REEP3: variants seen among roughly 807,000 people sequenced by gnomAD.
REEP3 encodes the protein receptor expression-enhancing protein 3.
In REEP3, 20 loss-of-function variants were observed where a neutral mutation model predicts 41.3. The observed-to-expected ratio is 0.48, with a 90% CI of 0.34 to 0.70. REEP3 has a LOEUF of 0.70. Ranked by LOEUF, REEP3 falls within the 30% of genes least tolerant of loss-of-function variation. The pLI, the probability that REEP3 is intolerant of heterozygous loss-of-function variation, is 0.01. For synonymous variants in REEP3, 104 were observed against 101.8 expected, an observed-to-expected ratio of 1.02 and a Z score of -0.13; for missense variants, 271 against 308.8, an observed-to-expected ratio of 0.88 and a Z score of 0.92.
At chr10:63,526,924 G>C (rs1955370239) in intron 1 of REEP3, among the ~76,000 whole-genome samples, 1 of 151,978 alleles carries the variant, frequency 6.6e-6, no homozygotes, top group South Asian at 2.1e-4. Context: ...GTGATTTCTT[G>C]ATCATTTCTA....
intron 4 of REEP3, among the ~76,000 whole-genome samples, 198 bp downstream of exon 4, chr10:63,598,342 G>A (rs758792784): frequency 6.6e-6 from 1 of 151,674 alleles, no homozygotes; most frequent in African/African-American, 2.4e-5. Flanking sequence ...AAATTAACCA[G>A]GTATGGTGGT....
intron 2 of REEP3, among the ~76,000 whole-genome samples, chr10:63,575,802 C>T (rs528336225): frequency 6.6e-5 from 10 of 152,120 alleles, no homozygotes; most frequent in Admixed American, 4.6e-4. Flanking sequence ...GGTGCAATCT[C>T]GGCTCACCGC....
chr10:63,603,290 G>A (rs1956191225), intron 5 of REEP3, among the ~76,000 whole-genome samples: 1 of 118,398 alleles, frequency 8.4e-6, no homozygotes, highest in Non-Finnish European at 1.7e-5. Context: ...TCCAGCCTGG[G>A]TGAGAGTGCA....
chr10:63,577,833 G>C (rs374449939), intron 2 of REEP3, among the ~76,000 whole-genome samples: 1 of 151,966 alleles, frequency 6.6e-6, no homozygotes, highest in Non-Finnish European at 1.5e-5. Context: ...CTGCCAGCTT[G>C]CTGTTCAGTT....
intron 1 of REEP3, among the ~76,000 whole-genome samples, chr10:63,548,526 C>T (rs1955599221): frequency 6.6e-6 from 1 of 152,136 alleles, no homozygotes; most frequent in Non-Finnish European, 1.5e-5. Flanking sequence ...TTACATAATT[C>T]ACATCAAGTA....
intron 1 of REEP3, among the ~76,000 whole-genome samples, chr10:63,546,200 G>C (rs1299212124): frequency 6.6e-6 from 1 of 152,140 alleles, no homozygotes; most frequent in Non-Finnish European, 1.5e-5. Flanking sequence ...CAGATTTTGT[G>C]TTTTAAAAGC....
chr10:63,539,713 T>C (rs1483640940), intron 1 of REEP3, among the ~76,000 whole-genome samples: 1 of 152,234 alleles, frequency 6.6e-6, no homozygotes, highest in Non-Finnish European at 1.5e-5. Context: ...CTTTGGGTTC[T>C]TCATTTAGAA....
chr10:63,604,870 CGA>C (rs958744284), intron 5 of REEP3, among the ~76,000 whole-genome samples: 1 of 152,060 alleles, frequency 6.6e-6, no homozygotes, highest in African/African-American at 2.4e-5. Flanking sequence ...ACTTGTAAAA[CGA>C]AGAGGTGAAA....
chr10:63,526,374 A>G (rs1414937288), intron 1 of REEP3, among the ~76,000 whole-genome samples: 2 of 152,162 alleles, frequency 1.3e-5, no homozygotes, highest in East Asian at 1.9e-4. Flanking sequence ...TTATAATGCT[A>G]TAATGGACAT....
intron 6 of REEP3, 121 bp downstream of exon 6, chr10:63,610,455 A>G: frequency 1.1e-6 from 1 of 907,576 alleles, no homozygotes; most frequent in Non-Finnish European, 1.6e-6. Flanking sequence ...ACAAATACCT[A>G]ATGCATACGG....
At chr10:63,554,067 C>A (rs529965934) in intron 1 of REEP3, among the ~76,000 whole-genome samples, 71 of 151,528 alleles carry the variant, frequency 4.7e-4, no homozygotes, top group South Asian at 8.4e-4. Context: ...GCACCACTGC[C>A]CTCCAGCCTG....
At chr10:63,609,411 C>T (rs1361877799) in intron 5 of REEP3, among the ~76,000 whole-genome samples, 4 of 140,082 alleles carry the variant, frequency 2.9e-5, no homozygotes, top group Non-Finnish European at 1.5e-5. Flanking sequence ...GAGATTGCGC[C>T]ACTGCACTCC....
At chr10:63,618,093 T>C (rs1324811168) in intron 6 of REEP3, among the ~76,000 whole-genome samples, 1 of 151,920 alleles carries the variant, frequency 6.6e-6, no homozygotes, top group East Asian at 1.9e-4. Context: ...CCCGAAGTGC[T>C]GGGATTACAG....
chr10:63,566,922 T>G (rs1955804548), intron 2 of REEP3, among the ~76,000 whole-genome samples: 1 of 152,156 alleles, frequency 6.6e-6, no homozygotes, highest in Non-Finnish European at 1.5e-5. Flanking sequence ...TCCTCAATAT[T>G]TCTTTGTTTT....
chr10:63,551,689 G>A lies in REEP3; in HGVS notation c.33-14649G>A, dbSNP rs1209406311. 2.6e-5 allele frequency among the ~76,000 whole-genome samples: 4 copies of A among 152,184 alleles called. No individual in the cohort carries two copies. The South Asian group carries it at 8.3e-4, about 32-fold the overall frequency. On this transcript the variant is annotated intron_variant, in intron 1 of 7. Transcript: ENST00000373758. ...AGTAGCACTCCTCAAAACTATCAAG[G>A]CTATCAAAACTCAGGCTTGAGAAAC... is the stretch of plus-strand genomic sequence containing the variant.
At chr10:63,574,829 A>G (rs1020514495) in intron 2 of REEP3, among the ~76,000 whole-genome samples, 1 of 141,480 alleles carries the variant, frequency 7.1e-6, no homozygotes, top group African/African-American at 2.6e-5. Flanking sequence ...TGAGAAGGCT[A>G]TAATGAGAGG....
intron 2 of REEP3, among the ~76,000 whole-genome samples, chr10:63,580,609 A>G (rs1169825047): frequency 2.0e-5 from 3 of 152,220 alleles, no homozygotes; most frequent in African/African-American, 7.2e-5. Context: ...ACTTGAAATA[A>G]CTAAGGTATA....
At chr10:63,526,187 A>T (rs1017815663) in intron 1 of REEP3, among the ~76,000 whole-genome samples, 1 of 152,170 alleles carries the variant, frequency 6.6e-6, no homozygotes, top group Non-Finnish European at 1.5e-5. Flanking sequence ...TATTGTAAGC[A>T]TCTTCTATGT....
intron 1 of REEP3, among the ~76,000 whole-genome samples, chr10:63,532,796 T>A: frequency 6.6e-6 from 1 of 151,236 alleles, no homozygotes; most frequent in East Asian, 1.9e-4. Context: ...TACTCAGTAC[T>A]CAGAAGGCTG....
Sources: allele counts gnomAD v4.1 joint callset (sites outside exome capture counted in the v4.1 genomes callset), GRCh38; gene constraint gnomAD v4.1.1; transcripts MANE v1.5; gene names NCBI Gene and HGNC (gene_info 2026-07-23, HGNC 2026-07-21).